Variants in PFKFB3 observed in about 807,000 individuals in gnomAD.
PFKFB3 encodes 6-phosphofructo-2-kinase/fructose-2,6-bisphosphatase 3.
In PFKFB3, 33 loss-of-function variants were observed where a neutral mutation model predicts 68.0. The ratio of observed to expected loss-of-function variants is 0.49; its 90% CI spans 0.37 to 0.65. The LOEUF (loss-of-function observed/expected upper bound fraction) is 0.65. Among genes scored for constraint, PFKFB3 ranks in the 30% least tolerant of loss-of-function variants. The probability of loss-of-function intolerance (pLI) is 0.00; values close to 1 mark genes in which losing one functional copy is unlikely to be tolerated. For missense variants in PFKFB3, 586 were observed against 712.2 expected, an observed-to-expected ratio of 0.82 and a Z score of 2.02; for synonymous variants, 315 against 288.2, an observed-to-expected ratio of 1.09 and a Z score of -0.94.
chr10:6,195,115 G>T (rs1843142009), intron 1 of PFKFB3, among the ~76,000 whole-genome samples: 1 of 152,078 alleles, frequency 6.6e-6, no homozygotes, highest in African/African-American at 2.4e-5. Context: ...AAAGTGATCT[G>T]CCTGCCTCAG....
intron 14 of PFKFB3, among the ~76,000 whole-genome samples, chr10:6,244,347 C>T (rs975008527): frequency 4.6e-5 from 7 of 152,162 alleles, no homozygotes; most frequent in African/African-American, 1.7e-4. Flanking sequence ...AGCTTAACCA[C>T]CACAGGCTGC....
the PFKFB3 span, among the ~76,000 whole-genome samples, chr10:6,300,907 G>A: frequency 1.2e-4 from 18 of 152,326 alleles, no homozygotes; most frequent in South Asian, 1.9e-3. Context: ...TTTGAAAGGA[G>A]ACAGGAAGCT....
chr10:6,152,975 T>C (rs1174749528), intron 1 of PFKFB3, among the ~76,000 whole-genome samples: 1 of 152,060 alleles, frequency 6.6e-6, no homozygotes, highest in East Asian at 1.9e-4. Flanking sequence ...AGCTCAGAAG[T>C]TCGAGACCAG....
intron 14 of PFKFB3, among the ~76,000 whole-genome samples, chr10:6,253,591 C>G (rs1564237512): frequency 6.6e-6 from 1 of 151,956 alleles, no homozygotes; most frequent in Non-Finnish European, 1.5e-5. Flanking sequence ...GAAATGTCTT[C>G]CCACTATCTT....
chr10:6,197,162 T>G (rs1394641372), intron 1 of PFKFB3, among the ~76,000 whole-genome samples: 1 of 151,890 alleles, frequency 6.6e-6, no homozygotes, highest in Admixed American at 6.6e-5. Flanking sequence ...TTTTTGTACT[T>G]TTAGTAGTTT....
chr10:6,231,345 C>G, intron 14 of PFKFB3: 3 of 1,611,924 alleles, frequency 1.9e-6, no homozygotes, highest in Non-Finnish European at 2.5e-6. Flanking sequence ...CCCTCTGTCC[C>G]GCACCGCGTC....
rs571300036 is a variant in PFKFB3, at chr10:6,228,667, G to C, written c.1515+2302G>C. ...GGAAAACTTACTCAGAGCCTAATCT[G>C]TAAACCAAACCTATGGGGAATAGTG... On this transcript the variant is annotated intron_variant, in intron 14 of 14. Transcript: ENST00000379775. The surrounding 1 kb of genome is among the most constrained non-coding windows in gnomAD (Gnocchi z 4.5). Among the ~76,000 whole-genome samples the C allele has an allele frequency of 1.0e-4, 14 of 135,698 alleles. No individual in the cohort carries two copies. In the East Asian group the frequency reaches 2.8e-3, roughly 27 times the overall value. The allele number at this position is 135,698 out of a possible 152,430, so 89.0% of individuals were successfully genotyped here.
chr10:6,255,058 C>A (rs575933933), downstream of PFKFB3, among the ~76,000 whole-genome samples: 1 of 151,564 alleles, frequency 6.6e-6, no homozygotes, highest in Non-Finnish European at 1.5e-5. Context: ...CTCAAGTGAT[C>A]GGCCCACCTC....
intron 1 of PFKFB3, among the ~76,000 whole-genome samples, chr10:6,179,182 G>T (rs893078445): frequency 6.6e-6 from 1 of 152,202 alleles, no homozygotes; most frequent in Admixed American, 6.5e-5. Flanking sequence ...GGAGAAAGTG[G>T]GGCACAGAGA....
the PFKFB3 span, among the ~76,000 whole-genome samples, chr10:6,315,586 C>T: frequency 1.1e-4 from 16 of 152,254 alleles, no homozygotes; most frequent in East Asian, 3.1e-3. Context: ...TGGGTTCAAG[C>T]CATTCTTCTG....
chr10:6,173,288 T>G (rs1842365460), intron 1 of PFKFB3, among the ~76,000 whole-genome samples: 1 of 152,014 alleles, frequency 6.6e-6, no homozygotes. Context: ...CCACAAGAGG[T>G]CGAGGCGCAA....
rs1845844627 is a variant in PFKFB3 at position 6,233,088 on chromosome 10, C to T, written c.*146C>T. ...GGAGCCTTGGCCGAAGAGAACCATG[C>T]TTGGCACCGTCTGTGTCCCCTCGGC... On this transcript the variant is annotated 3_prime_UTR_variant, in exon 15 of 15. Transcript: ENST00000379775. The T allele has an allele frequency of 2.9e-6, 2 of 690,120 alleles. No homozygotes were observed. Among genetic ancestry groups the T allele is most frequent in the East Asian group, 2.6e-5 (1 of 38,064 alleles). The allele number at this position is 690,120 out of a possible 1,614,324, so 42.7% of individuals were successfully genotyped here. A position where few individuals can be genotyped will look rare whatever the true frequency, so the allele number is the denominator to read the frequency against.
At position 6,222,937 on chromosome 10, in the gene PFKFB3, A is replaced by G. The variant is rs1310900549; in HGVS notation, c.1166A>G (p.Gln389Arg). 6.2e-7 allele frequency: 1 copy of G among 1,613,842 alleles called. No individual in the cohort carries two copies. Among genetic ancestry groups the G allele is most frequent in the East Asian group, 2.2e-5 (1 of 44,856 alleles). Residue 389 changes from glutamine (Q) to arginine (R), a missense_variant, in exon 11 of 15, where the codon CAG (glutamine) becomes CGG (arginine). Gln to Arg is a conservative substitution (Grantham distance 43). Coordinates refer to ENST00000379775, the MANE Select transcript of PFKFB3 (RefSeq NM_004566.4). ...RQENVLVICH[Q>R]AVLRCLLAYF... is the part of the protein sequence containing the mutation. ...GAGAATGTGCTGGTCATCTGCCACC[A>G]GGCCGTCCTGCGCTGCCTGCTTGCC... is the stretch of plus-strand genomic sequence containing the variant.
intron 1 of PFKFB3, chr10:6,146,635 G>A (rs1378684324): frequency 2.4e-6 from 2 of 841,820 alleles, no homozygotes; most frequent in East Asian, 5.4e-5. Flanking sequence ...TGTAGGCTCT[G>A]GTTGGGAAAC....
At chr10:6,255,218 G>A (rs913872686), downstream of PFKFB3, among the ~76,000 whole-genome samples, 4 of 151,662 alleles carry the variant, frequency 2.6e-5, no homozygotes, top group Admixed American at 6.6e-5. Flanking sequence ...TCTGCCTCCC[G>A]GTTTCAAGTG....
At chr10:6,270,313 C>T in the PFKFB3 span, among the ~76,000 whole-genome samples, 1 of 152,136 alleles carries the variant, frequency 6.6e-6, no homozygotes, top group Non-Finnish European at 1.5e-5. Flanking sequence ...TTCTTTTTCC[C>T]ATTTCATATG....
Position 6,217,195 on chromosome 10 carries a change from A to G in PFKFB3, c.498+4A>G. On this transcript the variant is annotated splice_donor_region_variant and intron_variant, in intron 6 of 14. Transcript: ENST00000379775. ...AGTTGTGGCCTCCAATATCATGGTA[A>G]GACAGCCGGGAGCCCCGTGCTTCTG... is the stretch of plus-strand genomic sequence containing the variant. 1 of 1,613,796 alleles carries G rather than the reference A, an allele frequency of 6.2e-7. No homozygotes were observed. Among genetic ancestry groups the G allele is most frequent in the Non-Finnish European group, 8.5e-7 (1 of 1,179,642 alleles).
downstream of PFKFB3, among the ~76,000 whole-genome samples, chr10:6,238,433 G>A (rs548580873): frequency 5.6e-5 from 8 of 143,708 alleles, no homozygotes; most frequent in East Asian, 6.1e-4. Flanking sequence ...CCAAAGTGCC[G>A]GGATTACAGG....
chr10:6,218,345 A>AG (rs1202674796), intron 6 of PFKFB3, among the ~76,000 whole-genome samples: 1 of 23,112 alleles, frequency 4.3e-5, no homozygotes, highest in Non-Finnish European at 3.3e-4. Context: ...TTGTGAACTT[A>AG]GATTTTTTTT....
Sources: gnomAD v4.1 joint callset for allele counts (sites outside exome capture counted in the v4.1 genomes callset) on GRCh38, gnomAD v4.1.1 for gene constraint, Gnocchi (gnomAD v3.1) non-coding constraint, MANE v1.5 for transcripts, NCBI Gene and HGNC (gene_info 2026-07-23, HGNC 2026-07-21) for gene names.